PIGL: variants seen among roughly 807,000 people sequenced by gnomAD.
The protein encoded by PIGL is phosphatidylinositol glycan anchor biosynthesis class L.
A neutral mutation model predicts 31.1 loss-of-function variants in PIGL; 22 were observed. The observed-to-expected ratio is 0.71, with a 90% CI of 0.51 to 1.01. The LOEUF (loss-of-function observed/expected upper bound fraction) is 1.01. Ranked by LOEUF, PIGL falls within the 50% of genes least tolerant of loss-of-function variation. The probability of loss-of-function intolerance (pLI) is 0.00; values close to 1 mark genes in which losing one functional copy is unlikely to be tolerated. For missense variants in PIGL, 302 were observed against 315.9 expected, an observed-to-expected ratio of 0.96 and a Z score of 0.33; for synonymous variants, 131 against 117.4, an observed-to-expected ratio of 1.12 and a Z score of -0.75.
chr17:16,242,500 T>C (rs2092726997), intron 2 of PIGL, among the ~76,000 whole-genome samples: 1 of 152,142 alleles, frequency 6.6e-6, no homozygotes, highest in African/African-American at 2.4e-5. Context: ...TTTAATGTAT[T>C]TATTTTATAT....
At position 16,255,690 on chromosome 17, in the gene PIGL, G is replaced by A. The variant is rs78345577; in HGVS notation, c.335+21620G>A. Among the ~76,000 whole-genome samples the A allele has an allele frequency of 9.6e-3, 1,463 of 152,244 alleles. 23 individuals carry two copies. Among genetic ancestry groups the A allele is most frequent in the East Asian group, 0.05 (260 of 5,182 alleles). On this transcript the variant is annotated intron_variant, in intron 2 of 6. Coordinates refer to ENST00000225609, the MANE Select transcript of PIGL (RefSeq NM_004278.4). ...AAAGACCATAGCTTGCTGCCAAAGC[G>A]GATCTGACCACGCGTCCTCTCACTC...
chr17:16,312,444 GC>G (rs2093056992), intron 3 of PIGL: 1 of 159,102 alleles, frequency 6.3e-6, no homozygotes, highest in Admixed American at 6.5e-5. Context: ...AGACTGGGCG[GC>G]CGGGCAGAGG....
chr17:16,300,062 A>C (rs1600841021), intron 3 of PIGL, 84 bp downstream of exon 3: 1 of 1,006,118 alleles, frequency 9.9e-7, no homozygotes, highest in Non-Finnish European at 1.6e-6. Flanking sequence ...TTCTGTGGCC[A>C]CCCTCCCACT....
intron 2 of PIGL, among the ~76,000 whole-genome samples, chr17:16,298,945 C>T (rs116061809): frequency 0.016 from 2,474 of 151,610 alleles, 66 homozygotes; most frequent in African/African-American, 0.057. Flanking sequence ...GAGAACCATT[C>T]GAACCCAGGA....
intron 2 of PIGL, chr17:16,282,215 T>A (rs2092919312): frequency 2.8e-6 from 1 of 357,608 alleles, no homozygotes; most frequent in African/African-American, 2.1e-5. Context: ...CCTCCCTTTT[T>A]CTGGGTGTGA....
intron 5 of PIGL, chr17:16,316,943 C>T: frequency 7.6e-7 from 1 of 1,315,116 alleles, no homozygotes; most frequent in Non-Finnish European, 9.8e-7. Flanking sequence ...AGGTTTGCCC[C>T]TCAACCTGTC....
chr17:16,312,651 G>C (rs2093058736), intron 3 of PIGL: 1 of 178,792 alleles, frequency 5.6e-6, no homozygotes, highest in Non-Finnish European at 1.1e-5. Flanking sequence ...GAGTGAACGA[G>C]ACTCCGTCTG....
intron 6 of PIGL, among the ~76,000 whole-genome samples, chr17:16,318,274 CTTT>C: frequency 6.9e-6 from 1 of 145,006 alleles, no homozygotes. Flanking sequence ...TCTTTCTACT[CTTT>C]TTTTTTTTTT....
chr17:16,325,028 G>A (rs1206570596), intron 6 of PIGL, among the ~76,000 whole-genome samples: 1 of 151,960 alleles, frequency 6.6e-6, no homozygotes, highest in Non-Finnish European at 1.5e-5. Context: ...TATATTTGAG[G>A]TAGTAGCAAC....
chr17:16,220,382 G>A (rs1465932831), intron 1 of PIGL, among the ~76,000 whole-genome samples: 2 of 151,720 alleles, frequency 1.3e-5, no homozygotes, highest in East Asian at 3.9e-4. Context: ...CATGCACTTG[G>A]CACTCAATGT....
chr17:16,242,144 T>G (rs1229936426), intron 2 of PIGL, among the ~76,000 whole-genome samples: 1 of 152,076 alleles, frequency 6.6e-6, no homozygotes, highest in Non-Finnish European at 1.5e-5. Flanking sequence ...AACTCTAACT[T>G]CTGGGCTCAA....
intron 4 of PIGL, among the ~76,000 whole-genome samples, chr17:16,315,928 C>T (rs2142868901): frequency 6.6e-6 from 1 of 151,984 alleles, no homozygotes; most frequent in Middle Eastern, 3.4e-3. Context: ...GAACTCCTGA[C>T]CTCGTGATCC....
chr17:16,221,752 T>C (rs1022049591), intron 1 of PIGL, among the ~76,000 whole-genome samples: 2 of 152,158 alleles, frequency 1.3e-5, no homozygotes, highest in Non-Finnish European at 2.9e-5. Context: ...CCCAAGTAGC[T>C]GGGATTACAG....
At chr17:16,308,381 G>T (rs1306199641) in intron 3 of PIGL, among the ~76,000 whole-genome samples, 2 of 152,130 alleles carry the variant, frequency 1.3e-5, no homozygotes, top group African/African-American at 2.4e-5. Context: ...CAGCCCAGGG[G>T]GATAGTAGTG....
At chr17:16,320,216 AGG>A (rs2093097510) in intron 6 of PIGL, among the ~76,000 whole-genome samples, 1 of 85,354 alleles carries the variant, frequency 1.2e-5, no homozygotes, top group Non-Finnish European at 2.2e-5. Flanking sequence ...GAAGGAAGGA[AGG>A]AAGGAAGGAA....
chr17:16,291,647 C>T (rs2092961201), intron 2 of PIGL, among the ~76,000 whole-genome samples: 1 of 151,948 alleles, frequency 6.6e-6, no homozygotes, highest in Non-Finnish European at 1.5e-5. Context: ...GGGCGGGTCA[C>T]CTGAGGTCAG....
intron 2 of PIGL, among the ~76,000 whole-genome samples, chr17:16,297,691 G>A (rs2092988414): frequency 6.6e-6 from 1 of 152,088 alleles, no homozygotes; most frequent in Non-Finnish European, 1.5e-5. Context: ...TCCTGATCCC[G>A]CTTTATCCCT....
chr17:16,258,103 A>AAGAGAGAGAGAGAAAGAG (rs2092803460), intron 2 of PIGL, among the ~76,000 whole-genome samples: 2 of 65,704 alleles, frequency 3.0e-5, no homozygotes, highest in African/African-American at 1.5e-4. Context: ...GAGAGAGAGA[A>AAGAGAGAGAGAGAAAGAG]AGAGAGAGAG....
chr17:16,243,909 C>G (rs892000331), intron 2 of PIGL, among the ~76,000 whole-genome samples: 3 of 152,198 alleles, frequency 2.0e-5, no homozygotes, highest in African/African-American at 7.2e-5. Flanking sequence ...AAATCTGTCT[C>G]CCTGAGCATT....
Sources: gnomAD v4.1 joint callset for allele counts (sites outside exome capture counted in the v4.1 genomes callset) on GRCh38, gnomAD v4.1.1 for gene constraint, MANE v1.5 for transcripts, NCBI Gene and HGNC (gene_info 2026-07-23, HGNC 2026-07-21) for gene names.